The following CNPY1 variants were observed in gnomAD, a reference collection of about 807,000 sequenced individuals.
CNPY1 encodes the protein canopy FGF signaling regulator 1, also known as protein canopy homolog 1.
CNPY1 carries 14 observed loss-of-function variants against 14.4 expected under a neutral mutation model. That is an observed-to-expected ratio of 0.97 (90% CI 0.64 to 1.52). The LOEUF (loss-of-function observed/expected upper bound fraction) is 1.52. Ranked by LOEUF, CNPY1 falls within the 40% of genes most tolerant of loss-of-function variation. The pLI, the probability that CNPY1 is intolerant of heterozygous loss-of-function variation, is 0.00. For missense variants in CNPY1, 129 were observed against 131.5 expected (o/e 0.98, Z 0.09); for synonymous variants, 43 against 46.5 (o/e 0.92, Z 0.31).
chr7:155,511,239 CTT>C (rs1162267962), intron 2 of CNPY1, among the ~76,000 whole-genome samples: 2 of 152,212 alleles, frequency 1.3e-5, no homozygotes, highest in African/African-American at 4.8e-5. Flanking sequence ...CTTTCAGAAA[CTT>C]AGGCCTTCCT....
intron 2 of CNPY1, among the ~76,000 whole-genome samples, chr7:155,509,466 A>AGAGAGAGGAGAGAGAGAGGAGGGG (rs1796452050): frequency 6.6e-6 from 1 of 152,126 alleles, no homozygotes; most frequent in African/African-American, 2.4e-5. Context: ...CTTGTCAGAC[A>AGAGAGAGGAGAGAGAGAGGAGGGG]GAGAGAGGAG....
At chr7:155,514,844 A>G (rs1263274922) in intron 2 of CNPY1, among the ~76,000 whole-genome samples, 2 of 152,182 alleles carry the variant, frequency 1.3e-5, no homozygotes, top group Non-Finnish European at 2.9e-5. Flanking sequence ...CGGTGAGCCG[A>G]GATCGCGCCA....
At chr7:155,528,192 T>G (rs1004020645) in intron 2 of CNPY1, among the ~76,000 whole-genome samples, 1 of 152,206 alleles carries the variant, frequency 6.6e-6, no homozygotes, top group African/African-American at 2.4e-5. Flanking sequence ...CTAATTAACT[T>G]TGACTTGACT....
At chr7:155,507,513 C>G (rs976285881) in intron 3 of CNPY1, among the ~76,000 whole-genome samples, 2 of 134,442 alleles carry the variant, frequency 1.5e-5, no homozygotes, top group Non-Finnish European at 3.0e-5. Context: ...GACCACAGCT[C>G]CCCGAAATGA....
chr7:155,539,655 G>C (rs1049572339), intron 2 of CNPY1, among the ~76,000 whole-genome samples: 4 of 152,188 alleles, frequency 2.6e-5, no homozygotes, highest in African/African-American at 7.2e-5. Flanking sequence ...CCCTGTGAAG[G>C]CTTGCTGAAA....
At chr7:155,518,467 C>G (rs147507439) in intron 2 of CNPY1, 7 of 152,458 alleles carry the variant, frequency 4.6e-5, no homozygotes, top group African/African-American at 1.7e-4. Flanking sequence ...CCTCCGTTCT[C>G]AGACCCAAAA....
chr7:155,544,974 A>AC (rs1457998559), intron 2 of CNPY1, among the ~76,000 whole-genome samples: 4 of 152,104 alleles, frequency 2.6e-5, no homozygotes, highest in African/African-American at 9.7e-5. Context: ...CCACAGTTCA[A>AC]CCACGGCACC....
intron 2 of CNPY1, among the ~76,000 whole-genome samples, chr7:155,533,140 G>A (rs1796969637): frequency 6.6e-6 from 1 of 152,190 alleles, no homozygotes. Context: ...CAACATCTGC[G>A]TGGCTCACAC....
At chr7:155,514,983 G>A (rs566629334) in intron 2 of CNPY1, among the ~76,000 whole-genome samples, 40 of 152,270 alleles carry the variant, frequency 2.6e-4, no homozygotes, top group Non-Finnish European at 4.9e-4. Context: ...GATGAGTCAG[G>A]AAATTCTGCG....
At chr7:155,515,735 G>A (rs765069497) in intron 2 of CNPY1, among the ~76,000 whole-genome samples, 5 of 152,136 alleles carry the variant, frequency 3.3e-5, no homozygotes, top group Non-Finnish European at 5.9e-5. Flanking sequence ...GATGAAATGA[G>A]GCTTCTCTGC....
intron 2 of CNPY1, among the ~76,000 whole-genome samples, chr7:155,535,227 C>G (rs916638925): frequency 6.6e-6 from 1 of 152,228 alleles, no homozygotes; most frequent in Non-Finnish European, 1.5e-5. Context: ...ATGGACCCAG[C>G]ATTGGTGCCA....
At chr7:155,543,335 C>T (rs1053309886) in intron 2 of CNPY1, among the ~76,000 whole-genome samples, 17 of 152,170 alleles carry the variant, frequency 1.1e-4, no homozygotes, top group Non-Finnish European at 2.2e-4. Context: ...GCTCTGTGAG[C>T]TGCTGGGTGG....
At chr7:155,516,008 CGT>C (rs67625567) in intron 2 of CNPY1, among the ~76,000 whole-genome samples, 54,046 of 151,292 alleles carry the variant, frequency 0.36, 9,725 homozygotes, top group Middle Eastern at 0.41. Flanking sequence ...AACGTGCACG[CGT>C]GTGTGTGTCC....
chr7:155,508,925 T>G lies in CNPY1; in HGVS notation c.272A>C (p.Tyr91Ser), dbSNP rs768411288. 1 of 1,613,878 alleles carries G rather than the reference T, an allele frequency of 6.2e-7. No individual in the cohort carries two copies. The highest frequency in any genetic ancestry group is 2.2e-5 in the East Asian group (1 of 44,884). The change falls in exon 3 of 5, where the codon TAT becomes TCT. Residue 91 changes from tyrosine (Y) to serine (S), a missense_variant. Coordinates refer to ENST00000636446, the MANE Select transcript of CNPY1 (RefSeq NM_001393663.1). ...TTTCAAAGGTCTGTAAGCATCAGAA[T>G]AAAAATACAATTTTTTAAATTCTTG... ...IYQEFKKLYF[Y>S]SDAYRPLKFA...
intron 2 of CNPY1, among the ~76,000 whole-genome samples, chr7:155,532,507 G>C (rs955021437): frequency 9.2e-5 from 14 of 152,028 alleles, no homozygotes; most frequent in Admixed American, 5.9e-4. Context: ...TGTAGTCCCA[G>C]CTACTCGGGA....
At chr7:155,507,672 T>C (rs1245923550) in intron 3 of CNPY1, among the ~76,000 whole-genome samples, 2 of 152,072 alleles carry the variant, frequency 1.3e-5, no homozygotes, top group Non-Finnish European at 2.9e-5. Context: ...GAGGTGTCTT[T>C]TCATGCTGTT....
chr7:155,526,299 G>C (rs529122886), intron 2 of CNPY1, among the ~76,000 whole-genome samples: 7 of 152,146 alleles, frequency 4.6e-5, no homozygotes, highest in African/African-American at 1.7e-4. Flanking sequence ...CCTCCATGTC[G>C]ACTCCACAGG....
chr7:155,523,974 C>T (rs1796773264), intron 2 of CNPY1, among the ~76,000 whole-genome samples: 1 of 152,058 alleles, frequency 6.6e-6, no homozygotes, highest in African/African-American at 2.4e-5. Flanking sequence ...CCAAGAGTTG[C>T]CACCACCACC....
chr7:155,527,438 T>C (rs566411031), intron 2 of CNPY1, among the ~76,000 whole-genome samples: 5 of 123,984 alleles, frequency 4.0e-5, no homozygotes, highest in Admixed American at 1.6e-4. Flanking sequence ...TAATTTCTTT[T>C]TTTTTTTTTT....
Sources: gnomAD v4.1 joint callset for allele counts (sites outside exome capture counted in the v4.1 genomes callset) on GRCh38, gnomAD v4.1.1 for gene constraint, MANE v1.5 for transcripts, NCBI Gene and HGNC (gene_info 2026-07-23, HGNC 2026-07-21) for gene names.